The following EYS variants were observed in gnomAD, a reference collection of about 807,000 sequenced individuals.
EYS encodes protein eyes shut homolog.
In EYS, 250 loss-of-function variants were observed where a neutral mutation model predicts 282.1. That is an observed-to-expected ratio of 0.89 (90% confidence interval 0.80 to 0.98). The LOEUF (loss-of-function observed/expected upper bound fraction) is 0.98. Among genes scored for constraint, EYS ranks in the 50% least tolerant of loss-of-function variants. EYS has a pLI of 0.00. For missense variants in EYS, 4,016 were observed against 3,709.0 expected (o/e 1.08, Z -2.15); for synonymous variants, 1,355 against 1,282.9 (o/e 1.06, Z -1.20).
chr6:63,839,301 A>G (rs1447890386), intron 36 of EYS, among the ~76,000 whole-genome samples: 1 of 152,172 alleles, frequency 6.6e-6, no homozygotes, highest in African/African-American at 2.4e-5. Flanking sequence ...TATATGAGTG[A>G]GAACATGCAA....
At chr6:64,528,468 G>T (rs1309739467) in intron 26 of EYS, among the ~76,000 whole-genome samples, 1 of 151,822 alleles carries the variant, frequency 6.6e-6, no homozygotes, top group Non-Finnish European at 1.5e-5. Flanking sequence ...GCTCTGTCCA[G>T]ATGTTCCACG....
At chr6:65,135,208 C>T (rs913248093) in intron 12 of EYS, among the ~76,000 whole-genome samples, 9 of 151,942 alleles carry the variant, frequency 5.9e-5, no homozygotes, top group African/African-American at 2.2e-4. Flanking sequence ...TTGTTTGCAA[C>T]GGTTGGAAGA....
chr6:65,167,153 A>G (rs78504924), intron 12 of EYS, among the ~76,000 whole-genome samples: 6,444 of 151,306 alleles, frequency 0.043, 194 homozygotes, highest in Middle Eastern at 0.065. Flanking sequence ...TGTTTAACAT[A>G]GAGGTATCAT....
chr6:64,125,802 A>AAAAAAC (rs1332305746), intron 31 of EYS, among the ~76,000 whole-genome samples: 38 of 151,302 alleles, frequency 2.5e-4, no homozygotes, highest in African/African-American at 9.0e-4. Context: ...AAAAAAAAAA[A>AAAAAAC]AAAAAAAGTT....
intron 8 of EYS, among the ~76,000 whole-genome samples, chr6:65,373,118 T>C (rs1479890365): frequency 2.0e-5 from 3 of 152,272 alleles, no homozygotes; most frequent in East Asian, 3.9e-4. Flanking sequence ...CAACTGGCCA[T>C]CAAAACTCTG....
At chr6:64,758,610 C>A (rs1474409672) in intron 22 of EYS, among the ~76,000 whole-genome samples, 1 of 152,178 alleles carries the variant, frequency 6.6e-6, no homozygotes, top group Non-Finnish European at 1.5e-5. Flanking sequence ...ATTAAGGACA[C>A]AAACCCAGTT....
intron 5 of EYS, among the ~76,000 whole-genome samples, chr6:65,446,890 TG>T (rs1388504673): frequency 1.3e-5 from 2 of 151,702 alleles, no homozygotes; most frequent in African/African-American, 4.8e-5. Context: ...TAAAACTTTA[TG>T]AGAAAAACAG....
intron 35 of EYS, among the ~76,000 whole-genome samples, chr6:63,962,231 A>G: frequency 6.6e-6 from 1 of 152,208 alleles, no homozygotes. Context: ...ACCAAAAGCA[A>G]TGGCAACAAA....
intron 13 of EYS, among the ~76,000 whole-genome samples, chr6:65,005,577 T>A (rs1317086749): frequency 6.8e-6 from 1 of 147,486 alleles, no homozygotes; most frequent in Non-Finnish European, 1.5e-5. Context: ...TCCTTAGAAC[T>A]GGAGGAAAAT....
chr6:65,137,097 A>T (rs953682588), intron 12 of EYS, among the ~76,000 whole-genome samples: 1 of 152,086 alleles, frequency 6.6e-6, no homozygotes, highest in Non-Finnish European at 1.5e-5. Context: ...CTGACCTCTA[A>T]CCTTATAGAA....
intron 11 of EYS, among the ~76,000 whole-genome samples, chr6:65,310,310 C>T (rs988961554): frequency 6.6e-6 from 1 of 152,138 alleles, no homozygotes; most frequent in Admixed American, 6.5e-5. Flanking sequence ...TGACACTGCA[C>T]TCCAGCCTGG....
At chr6:63,743,168 C>T (rs1769126991) in intron 41 of EYS, among the ~76,000 whole-genome samples, 3 of 152,086 alleles carry the variant, frequency 2.0e-5, no homozygotes, top group Non-Finnish European at 4.4e-5. Context: ...TTAGGTGTTC[C>T]AGTAGATGCA....
At chr6:64,249,782 C>T (rs1426811060) in intron 30 of EYS, among the ~76,000 whole-genome samples, 8 of 152,168 alleles carry the variant, frequency 5.3e-5, no homozygotes, top group East Asian at 1.9e-4. Flanking sequence ...TTGTACTTAA[C>T]GGATAGAGAA....
intron 31 of EYS, among the ~76,000 whole-genome samples, chr6:64,226,064 G>A (rs573182304): frequency 2.6e-5 from 4 of 152,186 alleles, no homozygotes; most frequent in Admixed American, 2.0e-4. Flanking sequence ...TCAGTTCTCT[G>A]GAAGAGATAA....
intron 21 of EYS, among the ~76,000 whole-genome samples, chr6:64,820,269 T>A (rs1288098537): frequency 1.3e-5 from 2 of 152,052 alleles, no homozygotes; most frequent in Non-Finnish European, 2.9e-5. Context: ...AAATCTAGAA[T>A]CACATAGGTA....
intron 26 of EYS, among the ~76,000 whole-genome samples, chr6:64,441,842 A>T (rs1018769066): frequency 6.6e-6 from 1 of 152,128 alleles, no homozygotes; most frequent in Non-Finnish European, 1.5e-5. Flanking sequence ...AGCCATGTGG[A>T]ACTGTAAGTC....
At chr6:64,769,519 A>C (rs1223358221) in intron 22 of EYS, among the ~76,000 whole-genome samples, 3 of 152,094 alleles carry the variant, frequency 2.0e-5, no homozygotes, top group African/African-American at 7.2e-5. Context: ...CAGTACAAAA[A>C]TGGGTGTCCA....
chr6:64,791,236 C>T (rs1448071076), intron 22 of EYS, among the ~76,000 whole-genome samples: 1 of 151,792 alleles, frequency 6.6e-6, no homozygotes, highest in African/African-American at 2.4e-5. Context: ...AAATTTCACT[C>T]AGCAAGACGA....
intron 22 of EYS, among the ~76,000 whole-genome samples, chr6:64,683,869 C>T (rs182967612): frequency 1.0e-3 from 154 of 152,252 alleles, no homozygotes; most frequent in African/African-American, 3.6e-3. Flanking sequence ...CAGGCCTAAC[C>T]GCCTGACCAC....
Sources: gnomAD v4.1 joint callset for allele counts (sites outside exome capture counted in the v4.1 genomes callset) on GRCh38, gnomAD v4.1.1 for gene constraint, MANE v1.5 for transcripts, NCBI Gene and HGNC (gene_info 2026-07-23, HGNC 2026-07-21) for gene names.